Variants in MLXIP observed in about 807,000 individuals in gnomAD.
MLXIP encodes the protein MLX-interacting protein.
Under a neutral mutation model 87.2 loss-of-function variants are expected in MLXIP, and 30 were observed. That is an observed-to-expected ratio of 0.34 (90% confidence interval 0.26 to 0.47). The LOEUF (loss-of-function observed/expected upper bound fraction) is 0.47. Among genes scored for constraint, MLXIP ranks in the 20% least tolerant of loss-of-function variants. The pLI is 1.00. For synonymous variants in MLXIP, 530 were observed against 514.0 expected, an observed-to-expected ratio of 1.03 and a Z score of -0.42; for missense variants, 1,002 against 1,240.1, an observed-to-expected ratio of 0.81 and a Z score of 2.88.
At chr12:122,127,814 C>A in intron 2 of MLXIP, 69 bp from the exon 3 acceptor site, 1 of 1,262,110 alleles carries the variant, frequency 7.9e-7, no homozygotes, top group African/African-American at 1.5e-5. Context: ...GGGAGGGGTG[C>A]AGCAGACAGG....
intron 1 of MLXIP, among the ~76,000 whole-genome samples, chr12:122,086,374 G>C (rs1265365399): frequency 6.6e-6 from 1 of 152,192 alleles, no homozygotes; most frequent in Non-Finnish European, 1.5e-5. Flanking sequence ...TGGGTCCTCG[G>C]CACCAGCGAG....
At position 122,133,579 on chromosome 12, in the gene MLXIP, G is replaced by A. The variant is rs759625523; in HGVS notation, c.1324G>A (p.Ala442Thr). 1.1e-5 allele frequency: 18 copies of A among 1,571,312 alleles called. No individual in the cohort carries two copies. The highest frequency in any genetic ancestry group is 5.8e-5 in the South Asian group (5 of 85,656). The change falls in exon 9 of 17, where the codon GCC becomes ACC. Residue 442 changes from alanine to threonine, a missense_variant. Ala to Thr is a moderately conservative substitution (Grantham distance 58). This residue lies in a region of MLXIP where 746 missense variants were observed against 897.0 expected (regional missense o/e 0.83). Transcript: ENST00000319080. The surrounding 1 kb of genome is among the most constrained non-coding windows in gnomAD (Gnocchi z 4.9). Reference protein sequence around the residue: ...FTMPLLSPSPAPPPISPVLPL... With the variant: ...FTMPLLSPSPTPPPISPVLPL... The stretch of plus-strand genomic sequence containing the variant: ...CATGCCCCTGCTGTCTCCCAGCCCC[G>A]CCCCACCGCCCATCTCCCCCGTGTT...
At chr12:122,093,396 ATG>A (rs1308830019) in intron 1 of MLXIP, among the ~76,000 whole-genome samples, 3 of 87,934 alleles carry the variant, frequency 3.4e-5, no homozygotes, top group Admixed American at 1.1e-4. Context: ...GTGGGTGGTT[ATG>A]TGTGTGGTGT....
At chr12:122,080,095 G>A (rs907614619) in intron 1 of MLXIP, among the ~76,000 whole-genome samples, 1 of 152,148 alleles carries the variant, frequency 6.6e-6, no homozygotes, top group Non-Finnish European at 1.5e-5. Flanking sequence ...GAAAATGCCT[G>A]GCCCTCAAAG....
chr12:122,119,167 C>CA (rs367828097), intron 1 of MLXIP, among the ~76,000 whole-genome samples: 1,678 of 148,484 alleles, frequency 0.011, 32 homozygotes, highest in African/African-American at 0.039. Context: ...GACTCTGTCT[C>CA]AAAAAAACAA....
intron 1 of MLXIP, among the ~76,000 whole-genome samples, chr12:122,111,462 T>C (rs1424503672): frequency 6.6e-6 from 1 of 152,244 alleles, no homozygotes; most frequent in African/African-American, 2.4e-5. Context: ...TTAAACCAAC[T>C]ACCAACTGAA....
At chr12:122,101,289 G>A (rs1952431772) in intron 1 of MLXIP, among the ~76,000 whole-genome samples, 1 of 151,924 alleles carries the variant, frequency 6.6e-6, no homozygotes, top group Non-Finnish European at 1.5e-5. Context: ...AAGAGCCCTG[G>A]AAAGCTGCTC....
In MLXIP at chr12:122,135,422, G is replaced by T. The variant is rs544820231; in HGVS notation, c.1855-67G>T. On this transcript the variant is annotated intron_variant, in intron 10 of 16. Transcript: ENST00000319080. This position sits in a 1 kb window ranked among gnomAD's most constrained non-coding sequence, Gnocchi z 5.3. ...CTGATCTTGGGCGGCCCTCACCTGA[G>T]ACGACTGGTGTGCCGCCCTGCTGTA... 7.7e-5 allele frequency: 123 copies of T among 1,602,420 alleles called. 1 individual carries two copies. The East Asian group carries it at 2.7e-3, about 35-fold the overall frequency.
At chr12:122,093,071 G>T (rs1472317896) in intron 1 of MLXIP, among the ~76,000 whole-genome samples, 7 of 149,034 alleles carry the variant, frequency 4.7e-5, no homozygotes, top group Admixed American at 4.7e-4. Context: ...GCATGTGTTG[G>T]TGTGTTTGCT....
chr12:122,112,274 A>C (rs1425152189), intron 1 of MLXIP, among the ~76,000 whole-genome samples: 1 of 152,198 alleles, frequency 6.6e-6, no homozygotes, highest in Non-Finnish European at 1.5e-5. Flanking sequence ...TGTTTTTGTG[A>C]GCTGTGTAAA....
chr12:122,103,855 T>G (rs1308982375), intron 1 of MLXIP, among the ~76,000 whole-genome samples: 2 of 140,520 alleles, frequency 1.4e-5, no homozygotes, highest in East Asian at 4.1e-4. Flanking sequence ...TTTTTTTTTT[T>G]GTAGAGACAG....
chr12:122,130,123 C>T lies in MLXIP; in HGVS notation c.910+11C>T. 3 of 1,610,696 alleles carry T rather than the reference C, an allele frequency of 1.9e-6. No individual in the cohort carries two copies. The highest frequency in any genetic ancestry group is 2.2e-5 in the East Asian group (1 of 44,764). ...ATCCCCGGGAAATAGGTAACCCAAA[C>T]CAGGGCCTTGGGCTTTGAACAGCCA... On this transcript the variant is annotated intron_variant, in intron 6 of 16. Coordinates refer to ENST00000319080, the MANE Select transcript of MLXIP (RefSeq NM_014938.6).
intron 2 of MLXIP, 52 bp from the exon 3 acceptor site, chr12:122,127,831 C>T: frequency 1.3e-6 from 2 of 1,484,578 alleles, no homozygotes; most frequent in Non-Finnish European, 1.9e-6. Flanking sequence ...CAGGCTGGGG[C>T]TCCCTCAGGG....
At chr12:122,128,475 T>TA (rs1271505671) in intron 3 of MLXIP, 1 of 162,256 alleles carries the variant, frequency 6.2e-6, no homozygotes, top group Non-Finnish European at 1.3e-5. Flanking sequence ...AATCTGGTAT[T>TA]AGACAGTATC....
chr12:122,132,392 A>G lies in MLXIP; in HGVS notation c.1092+9A>G, dbSNP rs1952997494. The G allele has an allele frequency of 2.5e-6, 4 of 1,603,528 alleles. No individual in the cohort carries two copies. The highest frequency in any genetic ancestry group is 2.6e-6 in the Non-Finnish European group (3 of 1,173,304). ...ACAACCCACCTGCACAGGTAGAGGA[A>G]GCTGGGGGATGGGTGGGGGAAGGGG... On this transcript the variant is annotated intron_variant, in intron 8 of 16. Coordinates refer to ENST00000319080, the MANE Select transcript of MLXIP (RefSeq NM_014938.6).
In MLXIP at chr12:122,138,547, A is replaced by G. The variant is rs949643596; in HGVS notation, c.2380A>G (p.Ile794Val). The change falls in exon 14 of 17, where the codon ATC (isoleucine) becomes GTC (valine). Residue 794 changes from isoleucine (I) to valine (V), a missense_variant. Ile to Val is a conservative substitution (Grantham distance 29). Around this residue, in one of 3 missense-constraint regions of MLXIP, gnomAD observed 746 missense variants for 897.0 expected, o/e 0.83. Transcript: ENST00000319080. The part of the protein sequence containing the change: ...REEIEELNAT[I>V]ISCQQLLPAT... Reference sequence around the variant, plus strand: ...GGAGATCGAGGAGCTCAATGCCACCATCATGTGAGCTTCTGGGCCTTGGGG... The same window carrying G: ...GGAGATCGAGGAGCTCAATGCCACCGTCATGTGAGCTTCTGGGCCTTGGGG... 6 of 1,611,054 alleles carry G rather than the reference A, an allele frequency of 3.7e-6. No homozygotes were observed. The highest frequency in any genetic ancestry group is 4.2e-6 in the Non-Finnish European group (5 of 1,178,900).
intron 4 of MLXIP, 121 bp from the exon 5 acceptor site, chr12:122,129,467 C>T (rs550794649): frequency 2.4e-5 from 28 of 1,180,902 alleles, no homozygotes; most frequent in Admixed American, 2.0e-4. Flanking sequence ...GTGCAGGCAT[C>T]GGCCTGGGGA....
At chr12:122,140,884 C>G (rs762709464) in intron 15 of MLXIP, 70 bp from the exon 16 acceptor site, 5 of 1,612,712 alleles carry the variant, frequency 3.1e-6, no homozygotes, top group South Asian at 1.1e-5. Flanking sequence ...GTACGCCAGT[C>G]CAACCACCTT....
Position 122,138,537 on chromosome 12 carries a change from C to T in MLXIP, c.2370C>T (p.Leu790=). The change falls in exon 14 of 17, where the codon CTC becomes CTT. Residue 790 remains leucine, a synonymous_variant. Transcript: ENST00000319080. ...ARRLREEIEE[L]NATIISCQQL... is the part of the protein sequence containing the mutation. ...GGCTGCGGGAGGAGATCGAGGAGCT[C>T]AATGCCACCATCATGTGAGCTTCTG... The T allele has an allele frequency of 6.2e-7, 1 of 1,612,078 alleles. No homozygotes were observed.
Sources: allele counts gnomAD v4.1 joint callset (sites outside exome capture counted in the v4.1 genomes callset), GRCh38; gene constraint gnomAD v4.1.1; regional missense constraint gnomAD v4.1.1; non-coding constraint Gnocchi (gnomAD v3.1); transcripts MANE v1.5; gene names NCBI Gene and HGNC (gene_info 2026-07-23, HGNC 2026-07-21).